Variants in NAV3 observed in about 807,000 individuals in gnomAD.
NAV3 encodes neuron navigator 3, also known as pore membrane and/or filament interacting like protein 1.
Under a neutral mutation model 244.7 loss-of-function variants are expected in NAV3, and 87 were observed. The observed-to-expected ratio is 0.36, with a 90% CI of 0.30 to 0.42. The LOEUF (loss-of-function observed/expected upper bound fraction) is 0.42, where lower values mean the gene tolerates loss of function less well. Among genes scored for constraint, NAV3 ranks in the 20% least tolerant of loss-of-function variants. The probability of loss-of-function intolerance (pLI) is 1.00; values close to 1 mark genes in which losing one functional copy is unlikely to be tolerated. For synonymous variants in NAV3, 1,126 were observed against 1,042.2 expected (o/e 1.08, Z -1.55); for missense variants, 2,663 against 2,893.3 (o/e 0.92, Z 1.83).
chr12:77,956,011 C>G (rs564885771), intron 3 of NAV3, among the ~76,000 whole-genome samples: 5 of 152,150 alleles, frequency 3.3e-5, no homozygotes, highest in African/African-American at 1.2e-4. Flanking sequence ...CTTTTTAGGG[C>G]TTGGAAATGT....
intron 20 of NAV3, among the ~76,000 whole-genome samples, chr12:78,145,796 A>AATT (rs1956840777): frequency 6.6e-6 from 1 of 152,192 alleles, no homozygotes; most frequent in Non-Finnish European, 1.5e-5. Context: ...TGATAATTAA[A>AATT]ATTATTAATA....
At position 78,119,875 on chromosome 12, in the gene NAV3, G is replaced by A. The variant is rs775200279; in HGVS notation, c.3679G>A (p.Ala1227Thr). Residue 1227 changes from alanine (A) to threonine (T), a missense_variant, in exon 15 of 40, where the codon GCC (alanine) becomes ACC (threonine). By Grantham distance (58) the Ala-to-Thr change is moderately conservative. Around this residue, in one of 6 missense-constraint regions of NAV3, gnomAD observed 1,521 missense variants for 1,497.0 expected, o/e 1.02. Transcript: ENST00000397909. ...SPKSSPTSAS[A>T]CGAQGLRQPG... ...CAAATCCAGCCCCACCTCTGCCAGC[G>A]CCTGTGGTGCACAAGGTCTCAGGCA... 5.0e-6 allele frequency: 8 copies of A among 1,614,018 alleles called. No homozygotes were observed. Among genetic ancestry groups the A allele is most frequent in the East Asian group, 2.2e-5 (1 of 44,894 alleles).
rs200117852 is a variant in NAV3, at chr12:77,873,027, ATAGT to A, written c.243+41328_243+41331del. On this transcript the variant is annotated intron_variant, in intron 1 of 39. Coordinates refer to ENST00000397909, the MANE Select transcript of NAV3 (RefSeq NM_001024383.2). ...GGGATTTTCCCATGCTATTCTCATG[ATAGT>A]TAGTAAGTCTCACGAGATCTGATGG... 5.1e-3 allele frequency among the ~76,000 whole-genome samples: 779 copies of A among 152,236 alleles called. 3 individuals are homozygous for A. The highest frequency in any genetic ancestry group is 0.014 in the African/African-American group (594 of 41,568).
chr12:78,079,770 A>G (rs1293259312), intron 12 of NAV3, among the ~76,000 whole-genome samples: 2 of 152,222 alleles, frequency 1.3e-5, no homozygotes, highest in African/African-American at 4.8e-5. Context: ...AGAACACTGT[A>G]CAAATGATTA....
At position 78,200,609 on chromosome 12, in the gene NAV3, C is replaced by T. The variant is rs376241179; in HGVS notation, c.6834+18C>T. On this transcript the variant is annotated intron_variant, in intron 38 of 39. Transcript: ENST00000397909. ...GTCTTCAGGTATAGTACTCAATTTT[C>T]ATTGCTATTTTTTTTTAAAAAAAAA... 7.9e-7 allele frequency: 1 copy of T among 1,271,994 alleles called. No homozygotes were observed. Among genetic ancestry groups the T allele is most frequent in the Non-Finnish European group, 1.1e-6 (1 of 933,464 alleles). 78.8% of individuals were successfully genotyped at this position (1,271,994 alleles called of 1,614,324 possible). A position where few individuals can be genotyped will look rare whatever the true frequency, so the allele number is the denominator to read the frequency against.
chr12:78,010,540 A>G (rs959038637), intron 8 of NAV3, among the ~76,000 whole-genome samples: 18 of 152,162 alleles, frequency 1.2e-4, no homozygotes, highest in Non-Finnish European at 2.9e-5. Context: ...AAGTCAGAAT[A>G]GTAATAATCT....
Position 78,179,598 on chromosome 12 carries a change from A to G in NAV3, c.5433A>G (p.Glu1811=). The change falls in exon 29 of 40, where the codon GAA becomes GAG. Residue 1811 remains glutamate (E), a synonymous_variant. Coordinates refer to ENST00000397909, the MANE Select transcript of NAV3 (RefSeq NM_001024383.2). ...LQLKSELREK[E]LKLTDIRLEA... The stretch of plus-strand genomic sequence containing the variant: ...TGAAGAGCGAGCTCAGAGAAAAGGA[A>G]TTAAAATTAACGGATATTCGGCTGG... The G allele has an allele frequency of 6.2e-7, 1 of 1,613,390 alleles. No individual in the cohort carries two copies. The highest frequency in any genetic ancestry group is 8.5e-7 in the Non-Finnish European group (1 of 1,179,542).
At chr12:77,984,554 C>T (rs1315518822) in intron 5 of NAV3, among the ~76,000 whole-genome samples, 1 of 150,988 alleles carries the variant, frequency 6.6e-6, no homozygotes, top group Non-Finnish European at 1.5e-5. Flanking sequence ...ATTTGGTCCT[C>T]ATAAAAGCCT....
chr12:77,585,773 G>T (rs975977562), intron 2 of NAV3, among the ~76,000 whole-genome samples: 1 of 152,166 alleles, frequency 6.6e-6, no homozygotes, highest in Admixed American at 6.5e-5. Flanking sequence ...AGCCAGTACT[G>T]GTCCAGCCTG....
At chr12:77,985,250 G>T (rs901939474) in intron 5 of NAV3, among the ~76,000 whole-genome samples, 1 of 152,114 alleles carries the variant, frequency 6.6e-6, no homozygotes. Flanking sequence ...CCAGTACATC[G>T]GAGGTGGTCA....
chr12:77,628,973 G>A lies in NAV3; in HGVS notation c.72+56707G>A, dbSNP rs551395081. On this transcript the variant is annotated intron_variant, in intron 2 of 8. Transcript: ENST00000550042. ...TTTACAGAATTACAAATTTCTTAAT[G>A]CATTCTCAAATCCATTGGAGATACT... Among the ~76,000 whole-genome samples, 33 of 151,352 alleles carry A rather than the reference G, an allele frequency of 2.2e-4. No individual in the cohort carries two copies. In the South Asian group the frequency reaches 6.5e-3, roughly 30 times the overall value.
chr12:77,643,864 GATAC>G (rs1487254315), intron 2 of NAV3, among the ~76,000 whole-genome samples: 2 of 151,982 alleles, frequency 1.3e-5, no homozygotes, highest in Non-Finnish European at 2.9e-5. Flanking sequence ...TAATAACTCA[GATAC>G]ATAGTTGTTT....
Position 77,800,519 on chromosome 12 carries a change from C to G in NAV3, c.73-139800C>G, listed in dbSNP as rs368544700. 1.6e-4 allele frequency among the ~76,000 whole-genome samples: 24 copies of G among 152,136 alleles called. No homozygotes were observed. The East Asian group carries it at 4.4e-3, about 28-fold the overall frequency. The stretch of plus-strand genomic sequence containing the variant: ...TAAATATTTGTAACTTCATTAGAGT[C>G]TTAGTTTTTTAATACTTACAAACGA... On this transcript the variant is annotated intron_variant, in intron 2 of 8. Coordinates refer to the NAV3 transcript ENST00000550042.
chr12:77,797,068 T>C (rs528697281), intron 2 of NAV3, among the ~76,000 whole-genome samples: 1 of 152,270 alleles, frequency 6.6e-6, no homozygotes, highest in Admixed American at 6.5e-5. Flanking sequence ...TGGTAAAAAT[T>C]ATAGTCCACT....
intron 2 of NAV3, among the ~76,000 whole-genome samples, chr12:77,742,523 GAGTT>G (rs1165179731): frequency 2.6e-5 from 4 of 152,054 alleles, no homozygotes; most frequent in African/African-American, 4.8e-5. Context: ...AAATAAGAAA[GAGTT>G]AGGGATGTCA....
At chr12:77,646,562 C>A (rs992461289) in intron 2 of NAV3, among the ~76,000 whole-genome samples, 1 of 152,078 alleles carries the variant, frequency 6.6e-6, no homozygotes, top group Non-Finnish European at 1.5e-5. Flanking sequence ...AGAGCTTGAA[C>A]AAAGTCTAGG....
At chr12:77,671,889 A>G (rs1171276602) in intron 2 of NAV3, among the ~76,000 whole-genome samples, 1 of 152,038 alleles carries the variant, frequency 6.6e-6, no homozygotes, top group Non-Finnish European at 1.5e-5. Context: ...CAAATGCAAC[A>G]AAAACAAAGA....
chr12:77,933,806 C>A (rs765581950), intron 1 of NAV3, among the ~76,000 whole-genome samples: 3 of 152,170 alleles, frequency 2.0e-5, no homozygotes, highest in Admixed American at 6.5e-5. Flanking sequence ...ACAACAACTG[C>A]AGATCCAGTC....
chr12:78,041,777 T>G (rs117879235), intron 9 of NAV3, among the ~76,000 whole-genome samples: 1,599 of 152,312 alleles, frequency 0.01, 10 homozygotes, highest in Middle Eastern at 0.017. Flanking sequence ...ACATTTGTTA[T>G]AGATTTTTAA....
Sources: allele counts gnomAD v4.1 joint callset (sites outside exome capture counted in the v4.1 genomes callset), GRCh38; gene constraint gnomAD v4.1.1; regional missense constraint gnomAD v4.1.1; transcripts MANE v1.5; gene names NCBI Gene and HGNC (gene_info 2026-07-23, HGNC 2026-07-21).